The following CFDP1 variants were observed in gnomAD, a reference collection of about 807,000 sequenced individuals.
CFDP1 encodes heterochromatin-stabilizing protein CFDP1.
CFDP1 carries 31 observed loss-of-function variants against 40.1 expected under a neutral mutation model. That is an observed-to-expected ratio of 0.77 (90% CI 0.58 to 1.04). The LOEUF (loss-of-function observed/expected upper bound fraction) is 1.04. Ranked by LOEUF, CFDP1 falls within the 50% of genes least tolerant of loss-of-function variation. CFDP1 has a pLI of 0.00. For synonymous variants in CFDP1, 167 were observed against 120.0 expected (o/e 1.39, Z -2.56); for missense variants, 423 against 343.4 (o/e 1.23, Z -1.83).
chr16:75,404,473 G>A (rs1033903525), intron 4 of CFDP1, among the ~76,000 whole-genome samples: 1 of 151,858 alleles, frequency 6.6e-6, no homozygotes, highest in Non-Finnish European at 1.5e-5. Flanking sequence ...CGCCTGCCTC[G>A]GCCTCCCAAA....
At chr16:75,364,641 G>T (rs112778233) in intron 5 of CFDP1, among the ~76,000 whole-genome samples, 2 of 152,130 alleles carry the variant, frequency 1.3e-5, no homozygotes, top group East Asian at 3.8e-4. Flanking sequence ...TTGTAAAAAT[G>T]TAAAACAATG....
At chr16:75,379,481 A>G (rs569890813) in intron 5 of CFDP1, among the ~76,000 whole-genome samples, 1 of 152,214 alleles carries the variant, frequency 6.6e-6, no homozygotes, top group East Asian at 1.9e-4. Context: ...TAATTCCTCA[A>G]AAAAGACAAA....
intron 4 of CFDP1, among the ~76,000 whole-genome samples, chr16:75,404,637 G>A (rs761710939): frequency 4.0e-5 from 6 of 151,540 alleles, no homozygotes; most frequent in Non-Finnish European, 7.4e-5. Context: ...TTAATGTGAA[G>A]CTCATCATAA....
At chr16:75,419,055 A>C (rs777027484) in intron 1 of CFDP1, 94 of 419,784 alleles carry the variant, frequency 2.2e-4, no homozygotes, top group Non-Finnish European at 4.3e-4. Context: ...AGGCAGGAGG[A>C]TCACTTGAGC....
intron 5 of CFDP1, chr16:75,391,537 C>G (rs552933173): frequency 5.9e-5 from 9 of 152,180 alleles, no homozygotes; most frequent in Non-Finnish European, 1.2e-4. Flanking sequence ...AACAGAAAAT[C>G]AGAGCATATT....
chr16:75,378,325 T>A (rs1288890835), intron 5 of CFDP1, among the ~76,000 whole-genome samples: 3 of 151,986 alleles, frequency 2.0e-5, no homozygotes, highest in Non-Finnish European at 2.9e-5. Flanking sequence ...TGAAATAAAA[T>A]GTCATTCCAA....
intron 4 of CFDP1, among the ~76,000 whole-genome samples, chr16:75,408,331 A>G (rs2079123147): frequency 6.6e-6 from 1 of 152,152 alleles, no homozygotes; most frequent in Non-Finnish European, 1.5e-5. Context: ...ATCTGTGTGA[A>G]GGATGGAAGG....
intron 1 of CFDP1, among the ~76,000 whole-genome samples, chr16:75,422,664 G>A (rs1370819803): frequency 1.3e-5 from 2 of 151,894 alleles, no homozygotes; most frequent in East Asian, 1.9e-4. Flanking sequence ...CAAAGTGCTG[G>A]GATTACAGGT....
chr16:75,347,674 G>A (rs945305351), intron 5 of CFDP1, among the ~76,000 whole-genome samples: 1 of 151,858 alleles, frequency 6.6e-6, no homozygotes, highest in African/African-American at 2.4e-5. Flanking sequence ...GCGAGACTCC[G>A]TCTCAAAAAA....
intron 5 of CFDP1, among the ~76,000 whole-genome samples, chr16:75,308,861 GAGGTTTCCAGAAA>G (rs2078275287): frequency 6.6e-6 from 1 of 152,130 alleles, no homozygotes; most frequent in Non-Finnish European, 1.5e-5. Flanking sequence ...GCACAGCAGT[GAGGTTTCCAGAAA>G]AGGAAAAAAA....
chr16:75,431,729 A>C (rs1007995597), intron 1 of CFDP1, among the ~76,000 whole-genome samples: 1 of 152,068 alleles, frequency 6.6e-6, no homozygotes, highest in Non-Finnish European at 1.5e-5. Flanking sequence ...CCGAAGGTGG[A>C]AGTGTTTGTG....
intron 5 of CFDP1, among the ~76,000 whole-genome samples, chr16:75,376,560 C>A (rs2078798699): frequency 6.6e-6 from 1 of 152,092 alleles, no homozygotes; most frequent in Non-Finnish European, 1.5e-5. Flanking sequence ...TGATAAAAAT[C>A]AGTAGTTGCC....
Position 75,433,072 on chromosome 16 carries a change from C to T in CFDP1, c.64+217G>A, listed in dbSNP as rs567665266. ...CCGCGCTGCAAGAGGGGGCGGCGGC[C>T]GGAGCTGCCCAACGGGAGGGGAGCA... On this transcript the variant is annotated intron_variant, in intron 1 of 6. Transcript: ENST00000283882. 3.3e-5 allele frequency among the ~76,000 whole-genome samples: 5 copies of T among 152,274 alleles called. No individual in the cohort carries two copies. In the East Asian group the frequency reaches 9.7e-4, roughly 29 times the overall value.
At chr16:75,333,775 C>T (rs1038634325) in intron 5 of CFDP1, among the ~76,000 whole-genome samples, 2 of 152,234 alleles carry the variant, frequency 1.3e-5, no homozygotes, top group South Asian at 2.1e-4. Flanking sequence ...AAAGTTGTTA[C>T]TGTTTTTTTG....
chr16:75,397,656 T>A lies in CFDP1; in HGVS notation c.531-2447A>T, dbSNP rs1343780227. Among the ~76,000 whole-genome samples, 19 of 151,640 alleles carry A rather than the reference T, an allele frequency of 1.3e-4. No individual in the cohort carries two copies. The South Asian group carries it at 1.7e-3, about 13-fold the overall frequency. On this transcript the variant is annotated intron_variant, in intron 4 of 6. Coordinates refer to ENST00000283882, the MANE Select transcript of CFDP1 (RefSeq NM_006324.3). ...TCTCTACTAAAAAAAGTAAAAAAAA[T>A]TAGCCGGGCATAGTGGCAGGTACAC...
chr16:75,314,388 G>C (rs1294932305), intron 5 of CFDP1, among the ~76,000 whole-genome samples: 1 of 152,114 alleles, frequency 6.6e-6, no homozygotes, highest in Non-Finnish European at 1.5e-5. Context: ...TATATTGTAT[G>C]ATTCCATTGA....
intron 4 of CFDP1, among the ~76,000 whole-genome samples, chr16:75,398,104 A>G (rs1215347518): frequency 6.6e-6 from 1 of 152,120 alleles, no homozygotes; most frequent in East Asian, 1.9e-4. Context: ...AGTCTAAATC[A>G]CTCAATCTCA....
intron 5 of CFDP1, among the ~76,000 whole-genome samples, chr16:75,393,737 CAAAAAAAAAA>C (rs61344775): frequency 0.16 from 13,207 of 80,636 alleles, 3,230 homozygotes; most frequent in Admixed American, 0.23. Flanking sequence ...GACTCCGTCG[CAAAAAAAAAA>C]AAAAAAAAAA....
intron 5 of CFDP1, among the ~76,000 whole-genome samples, chr16:75,371,359 C>A (rs186854776): frequency 6.6e-6 from 1 of 152,228 alleles, no homozygotes; most frequent in Admixed American, 6.5e-5. Flanking sequence ...ATATATCTCT[C>A]TCTAAAGATG....
Sources: allele counts gnomAD v4.1 joint callset (sites outside exome capture counted in the v4.1 genomes callset), GRCh38; gene constraint gnomAD v4.1.1; transcripts MANE v1.5; gene names NCBI Gene and HGNC (gene_info 2026-07-23, HGNC 2026-07-21).